Variants in MYH15 observed in about 807,000 individuals in gnomAD.
The protein encoded by MYH15 is myosin heavy chain 15.
A neutral mutation model predicts 240.5 loss-of-function variants in MYH15; 227 were observed. The observed-to-expected ratio is 0.94, with a 90% CI of 0.85 to 1.05. The LOEUF is 1.05. Among genes scored for constraint, MYH15 ranks in the 50% least tolerant of loss-of-function variants. MYH15 has a pLI of 0.00. For synonymous variants in MYH15, 785 were observed against 796.7 expected, an observed-to-expected ratio of 0.99 and a Z score of 0.25; for missense variants, 2,217 against 2,247.5, an observed-to-expected ratio of 0.99 and a Z score of 0.27.
At chr3:108,488,499 G>T (rs1234059207) in intron 9 of MYH15, among the ~76,000 whole-genome samples, 4 of 151,874 alleles carry the variant, frequency 2.6e-5, no homozygotes, top group African/African-American at 9.7e-5. Flanking sequence ...GTAGAAACGG[G>T]GTCTTGCTAT....
upstream of MYH15, chr3:108,510,677 G>C (rs1278577450): frequency 2.3e-6 from 3 of 1,306,250 alleles, no homozygotes; most frequent in East Asian, 2.3e-5. Flanking sequence ...ATAGACTAAA[G>C]AGTGTTAAGT....
upstream of MYH15, among the ~76,000 whole-genome samples, chr3:108,534,129 T>C (rs2083730982): frequency 6.6e-6 from 1 of 152,178 alleles, no homozygotes; most frequent in African/African-American, 2.4e-5. Flanking sequence ...ACATGAGCCT[T>C]CTCCAGCTGC....
chr3:108,387,338 C>T (rs1293023591), intron 38 of MYH15, among the ~76,000 whole-genome samples: 1 of 152,170 alleles, frequency 6.6e-6, no homozygotes, highest in African/African-American at 2.4e-5. Flanking sequence ...TTTAAACTTA[C>T]AGGGTCTAGC....
At chr3:108,541,493 C>A in the MYH15 span, among the ~76,000 whole-genome samples, 16 of 151,432 alleles carry the variant, frequency 1.1e-4, no homozygotes, top group Non-Finnish European at 2.2e-4. Context: ...GATGAATAAC[C>A]CACAGGAGAA....
At chr3:108,412,714 T>C (rs1266343280) in intron 30 of MYH15, among the ~76,000 whole-genome samples, 1 of 152,204 alleles carries the variant, frequency 6.6e-6, no homozygotes, top group Non-Finnish European at 1.5e-5. Flanking sequence ...ATCCTTATCC[T>C]TGGGGAACTT....
At chr3:108,493,751 G>T (rs564892009) in intron 7 of MYH15, among the ~76,000 whole-genome samples, 2 of 152,206 alleles carry the variant, frequency 1.3e-5, no homozygotes, top group East Asian at 1.9e-4. Context: ...AGAAAGGGGG[G>T]GCATAAAATG....
At chr3:108,460,182 T>C in intron 17 of MYH15, 118 bp downstream of exon 17, 2 of 895,748 alleles carry the variant, frequency 2.2e-6, no homozygotes, top group South Asian at 4.4e-5. Context: ...CTTCAACTTT[T>C]CCAACTTGCT....
At chr3:108,386,182 A>T (rs2082382836) in intron 38 of MYH15, among the ~76,000 whole-genome samples, 1 of 152,236 alleles carries the variant, frequency 6.6e-6, no homozygotes, top group Admixed American at 6.5e-5. Context: ...TACTGAGAAG[A>T]GAGTAAATTG....
chr3:108,459,474 C>A, intron 17 of MYH15, 25 bp from the exon 18 acceptor site: 1 of 1,467,428 alleles, frequency 6.8e-7, no homozygotes, highest in Non-Finnish European at 9.4e-7. Flanking sequence ...ATAATAAACA[C>A]AAAATCACTT....
chr3:108,527,194 A>G (rs2107275557), intron 1 of MYH15, among the ~76,000 whole-genome samples: 1 of 152,238 alleles, frequency 6.6e-6, no homozygotes, highest in South Asian at 2.1e-4. Flanking sequence ...TCTCACTTTG[A>G]GAACTACTGT....
the MYH15 span, among the ~76,000 whole-genome samples, chr3:108,537,770 T>C: frequency 1.3e-5 from 2 of 152,146 alleles, no homozygotes; most frequent in South Asian, 2.1e-4. Flanking sequence ...ACTATTAATA[T>C]AGCTTACCTT....
chr3:108,409,231 A>G (rs987277062), intron 31 of MYH15, among the ~76,000 whole-genome samples: 2 of 152,216 alleles, frequency 1.3e-5, no homozygotes, highest in African/African-American at 4.8e-5. Context: ...TGCATAATAA[A>G]TTCTTCTCTG....
At chr3:108,387,580 A>G (rs1175173190) in intron 38 of MYH15, among the ~76,000 whole-genome samples, 1 of 149,146 alleles carries the variant, frequency 6.7e-6, no homozygotes, top group African/African-American at 2.5e-5. Flanking sequence ...TTGTTTACAG[A>G]ATAAAACAAT....
At chr3:108,538,350 C>A in the MYH15 span, among the ~76,000 whole-genome samples, 1 of 152,200 alleles carries the variant, frequency 6.6e-6, no homozygotes, top group Non-Finnish European at 1.5e-5. Flanking sequence ...ACGTCAAGAA[C>A]AGGAAGCTGA....
chr3:108,498,178 G>A (rs2083408605), intron 5 of MYH15, 33 bp from the exon 6 acceptor site: 2 of 1,584,940 alleles, frequency 1.3e-6, no homozygotes, highest in Admixed American at 1.7e-5. Context: ...ACAGTTAACT[G>A]GTTCTGATTA....
intron 3 of MYH15, 98 bp downstream of exon 3, chr3:108,501,614 A>G (rs1478636867): frequency 6.8e-7 from 1 of 1,478,512 alleles, no homozygotes; most frequent in African/African-American, 1.4e-5. Flanking sequence ...TCCCTGTGCG[A>G]GCATGCTTAA....
chr3:108,403,300 G>A (rs917382252), intron 33 of MYH15, among the ~76,000 whole-genome samples: 1 of 152,056 alleles, frequency 6.6e-6, no homozygotes, highest in African/African-American at 2.4e-5. Context: ...TTGCCTGTGG[G>A]TCTCTTTCTC....
At chr3:108,401,646 C>A (rs1263434246) in intron 33 of MYH15, among the ~76,000 whole-genome samples, 1 of 152,218 alleles carries the variant, frequency 6.6e-6, no homozygotes, top group African/African-American at 2.4e-5. Flanking sequence ...GAAGCATCCC[C>A]AGCCTGGTGT....
chr3:108,493,129 C>G lies in MYH15; in HGVS notation c.760G>C (p.Val254Leu), dbSNP rs754811850. ...GACTACTTACAGATATCAATGTCCA[C>G]AGATGACAGCATGCCTCTGGCACCA... ...HFGARGMLSS[V>L]DIDIYLLEKS... is the part of the protein sequence containing the mutation. The change falls in exon 8 of 41, where the codon GTG becomes CTG. Residue 254 changes from valine to leucine, a missense_variant. Physicochemically the swap from Val to Leu is conservative, Grantham distance 32. Coordinates refer to ENST00000693548, the MANE Select transcript of MYH15 (RefSeq NM_014981.3). 1.2e-6 allele frequency: 2 copies of G among 1,614,104 alleles called. No individual in the cohort carries two copies. Among genetic ancestry groups the G allele is most frequent in the Non-Finnish European group, 8.5e-7 (1 of 1,179,968 alleles).
Sources: gnomAD v4.1 joint callset for allele counts (sites outside exome capture counted in the v4.1 genomes callset) on GRCh38, gnomAD v4.1.1 for gene constraint, MANE v1.5 for transcripts, NCBI Gene and HGNC (gene_info 2026-07-23, HGNC 2026-07-21) for gene names.